The following GAPVD1 variants were observed in gnomAD, a reference collection of about 807,000 sequenced individuals.
GAPVD1 encodes GTPase activating protein and VPS9 domains 1, also known as GTPase-activating protein and VPS9 domain-containing protein 1.
Under a neutral mutation model 155.5 loss-of-function variants are expected in GAPVD1, and 35 were observed. The observed-to-expected ratio is 0.23, with a 90% confidence interval of 0.17 to 0.30. GAPVD1 has a LOEUF of 0.30. GAPVD1 is among the 10% of genes least tolerant of loss of function. GAPVD1 has a pLI of 1.00. For synonymous variants in GAPVD1, 636 were observed against 619.7 expected (o/e 1.03, Z -0.39); for missense variants, 1,429 against 1,775.7 (o/e 0.80, Z 3.51).
intron 10 of GAPVD1, 124 bp from the exon 11 acceptor site, chr9:125,323,674 T>C (rs930120699): frequency 1.1e-6 from 1 of 883,430 alleles, no homozygotes; most frequent in Non-Finnish European, 1.8e-6. Context: ...ATGTGTTTTT[T>C]TAAGGTATAA....
At position 125,366,108 on chromosome 9, in the gene GAPVD1, G is replaced by A. The variant is rs1270087236; in HGVS notation, c.*3362G>A. Reference sequence around the variant, plus strand: ...TTAAATCGCTGTAGTAGGAGGCTCAGGTTTTCTAAGGGATTGCAAATGTGC... The same window carrying A: ...TTAAATCGCTGTAGTAGGAGGCTCAAGTTTTCTAAGGGATTGCAAATGTGC... On this transcript the variant is annotated 3_prime_UTR_variant, in exon 28 of 28. Transcript: ENST00000297933. 6.6e-6 allele frequency: 1 copy of A among 152,176 alleles called. No homozygotes were observed. 9.4% of individuals were successfully genotyped at this position (152,176 alleles called of 1,614,324 possible).
chr9:125,299,644 GACTCTGTCTCCTC>G (rs1840447949), intron 4 of GAPVD1, among the ~76,000 whole-genome samples: 2 of 151,406 alleles, frequency 1.3e-5, no homozygotes, highest in South Asian at 4.2e-4. Context: ...CATAGAGCGA[GACTCTGTCTCCTC>G]AAAAGAAAAA....
intron 8 of GAPVD1, chr9:125,308,231 T>A (rs2184062): frequency 0.55 from 154,396 of 282,736 alleles, 45,486 homozygotes; most frequent in African/African-American, 0.87. Context: ...CTGTGGTCCC[T>A]GCTACTTGGG....
intron 12 of GAPVD1, among the ~76,000 whole-genome samples, chr9:125,329,058 GC>G (rs1845687473): frequency 2.0e-5 from 3 of 152,312 alleles, no homozygotes; most frequent in African/African-American, 7.2e-5. Context: ...GTTGCAGTGA[GC>G]CAAGATGGCA....
intron 20 of GAPVD1, 98 bp from the exon 21 acceptor site, chr9:125,349,292 A>T: frequency 1.0e-6 from 1 of 965,138 alleles, no homozygotes; most frequent in Non-Finnish European, 1.6e-6. Flanking sequence ...ATTATTAGTC[A>T]ATGGTAATTT....
At chr9:125,318,006 G>A (rs1843704020) in intron 9 of GAPVD1, among the ~76,000 whole-genome samples, 1 of 152,156 alleles carries the variant, frequency 6.6e-6, no homozygotes, top group Non-Finnish European at 1.5e-5. Context: ...GACATTATAT[G>A]TTGATAAATA....
intron 4 of GAPVD1, among the ~76,000 whole-genome samples, chr9:125,301,186 C>CG (rs1840796279): frequency 6.6e-6 from 1 of 151,970 alleles, no homozygotes; most frequent in Admixed American, 6.6e-5. Flanking sequence ...TTTCCCACCT[C>CG]AGCCTCCTGA....
intron 2 of GAPVD1, among the ~76,000 whole-genome samples, chr9:125,270,009 C>A (rs768149165): frequency 2.0e-5 from 3 of 151,978 alleles, no homozygotes; most frequent in Admixed American, 6.6e-5. Context: ...AGCCACCATG[C>A]TTGGGCAGAT....
intron 25 of GAPVD1, among the ~76,000 whole-genome samples, chr9:125,356,483 GTTC>G (rs1850104740): frequency 6.6e-6 from 1 of 152,032 alleles, no homozygotes; most frequent in Admixed American, 6.6e-5. Context: ...ATTCTCCCCT[GTTC>G]TTTTTTTCTT....
chr9:125,271,522 AT>A (rs1179165033), intron 2 of GAPVD1, among the ~76,000 whole-genome samples: 6 of 151,920 alleles, frequency 3.9e-5, no homozygotes, highest in African/African-American at 1.4e-4. Context: ...ACAAATACTT[AT>A]ATTTTTCGGA....
intron 1 of GAPVD1, among the ~76,000 whole-genome samples, chr9:125,265,819 C>T (rs1244396154): frequency 6.8e-6 from 1 of 146,846 alleles, no homozygotes; most frequent in Admixed American, 6.9e-5. Context: ...ATAATTTTAG[C>T]ACTTTTGGAG....
At chr9:125,330,450 C>T (rs1845914560) in intron 13 of GAPVD1, among the ~76,000 whole-genome samples, 1 of 151,804 alleles carries the variant, frequency 6.6e-6, no homozygotes. Flanking sequence ...TCCTGAGTAG[C>T]TGGGATTACA....
At chr9:125,275,904 A>G (rs918956619) in intron 2 of GAPVD1, among the ~76,000 whole-genome samples, 1 of 152,214 alleles carries the variant, frequency 6.6e-6, no homozygotes. Flanking sequence ...ATTCATGTGT[A>G]TTGATATTGT....
chr9:125,312,311 T>C (rs1442539369), intron 8 of GAPVD1, 141 bp from the exon 9 acceptor site: 2 of 578,232 alleles, frequency 3.5e-6, no homozygotes, highest in Admixed American at 3.8e-5. Flanking sequence ...TGTTTTGTTT[T>C]GTTTTTTCTT....
intron 1 of GAPVD1, chr9:125,263,864 T>A (rs1184328010): frequency 7.4e-7 from 1 of 1,345,384 alleles, no homozygotes; most frequent in Non-Finnish European, 1.1e-6. Context: ...ATGAAGGTAA[T>A]CCCGGAGATA....
chr9:125,274,853 C>G (rs1438346416), intron 2 of GAPVD1, among the ~76,000 whole-genome samples: 1 of 152,142 alleles, frequency 6.6e-6, no homozygotes, highest in East Asian at 1.9e-4. Context: ...GATGAAGAAA[C>G]TGAGTCATAG....
intron 17 of GAPVD1, among the ~76,000 whole-genome samples, chr9:125,339,614 G>A (rs1018090497): frequency 1.3e-5 from 2 of 152,200 alleles, no homozygotes; most frequent in African/African-American, 2.4e-5. Context: ...GCTAGGGAGT[G>A]TGTGTGTTAC....
Position 125,321,452 on chromosome 9 carries a change from C to T in GAPVD1, c.1622C>T (p.Ser541Leu), listed in dbSNP as rs139685989. ...TTTTAGGTCCTAAACATGCAGCTTT[C>T]GGATGGAGGACAAGGAGATGTCCCT... ...SENEVLNMQL[S>L]DGGQGDVPVD... Residue 541 changes from serine (S) to leucine (L), a missense_variant, in exon 10 of 28, where the codon TCG (serine) becomes TTG (leucine). Physicochemically the swap from Ser to Leu is moderately radical, Grantham distance 145 (BLOSUM62 -2). Transcript: ENST00000297933. The T allele has an allele frequency of 4.1e-5, 66 of 1,612,282 alleles. No individual in the cohort carries two copies. In the African/African-American group the frequency reaches 7.3e-4, roughly 18 times the overall value.
chr9:125,278,332 C>A (rs1588587413), intron 2 of GAPVD1, among the ~76,000 whole-genome samples: 1 of 147,730 alleles, frequency 6.8e-6, no homozygotes, highest in South Asian at 2.2e-4. Flanking sequence ...ACCAGTCTGG[C>A]CAACATGGTG....
Sources: allele counts gnomAD v4.1 joint callset (sites outside exome capture counted in the v4.1 genomes callset), GRCh38; gene constraint gnomAD v4.1.1; transcripts MANE v1.5; gene names NCBI Gene and HGNC (gene_info 2026-07-23, HGNC 2026-07-21).